The following KIAA1217 variants were observed in gnomAD, a reference collection of about 807,000 sequenced individuals.
KIAA1217 encodes the protein KIAA1217, also known as sickle tail protein homolog.
KIAA1217 carries 88 observed loss-of-function variants against 163.9 expected under a neutral mutation model. The ratio of observed to expected loss-of-function variants is 0.54; its 90% CI spans 0.45 to 0.64. The LOEUF is 0.64. KIAA1217 is among the 30% of genes least tolerant of loss of function. The probability of loss-of-function intolerance (pLI) is 0.00; values close to 1 mark genes in which losing one functional copy is unlikely to be tolerated. For synonymous variants in KIAA1217, 903 were observed against 923.1 expected (o/e 0.98, Z 0.39); for missense variants, 2,372 against 2,475.0 (o/e 0.96, Z 0.88).
chr10:24,504,238 C>T (rs7904115), intron 9 of KIAA1217, among the ~76,000 whole-genome samples: 45,895 of 152,124 alleles, frequency 0.3, 7,231 homozygotes, highest in Middle Eastern at 0.4. Flanking sequence ...TTCTTTATTG[C>T]TCCAGAACTA....
At chr10:24,379,128 A>T (rs1236508203) in intron 2 of KIAA1217, among the ~76,000 whole-genome samples, 1 of 41,310 alleles carries the variant, frequency 2.4e-5, no homozygotes, top group East Asian at 1.3e-3. Context: ...TACCTTCTTT[A>T]AAAAAAAATG....
At chr10:24,147,023 A>AAC (rs2064352296) in intron 2 of KIAA1217, among the ~76,000 whole-genome samples, 1 of 151,770 alleles carries the variant, frequency 6.6e-6, no homozygotes, top group African/African-American at 2.4e-5. Context: ...AAAAAAAAAA[A>AAC]AAAAAAAACA....
intron 1 of KIAA1217, among the ~76,000 whole-genome samples, chr10:23,993,049 T>TTTG (rs1328485183): frequency 2.0e-5 from 3 of 147,128 alleles, no homozygotes; most frequent in Non-Finnish European, 4.5e-5. Flanking sequence ...TTTTTTTTTT[T>TTTG]GAGATGGAGT....
chr10:24,207,891 C>T (rs865986478), upstream of KIAA1217, among the ~76,000 whole-genome samples: 10 of 152,198 alleles, frequency 6.6e-5, no homozygotes, highest in Admixed American at 1.3e-4. Context: ...GGAACATAGG[C>T]TGGCCATTGT....
chr10:23,872,157 G>A (rs1029789430), intron 1 of KIAA1217, among the ~76,000 whole-genome samples: 52 of 152,192 alleles, frequency 3.4e-4, no homozygotes, highest in Non-Finnish European at 6.6e-4. Context: ...GAGCAGCAGA[G>A]TGAGACTAGG....
chr10:24,205,189 G>A (rs953568912), upstream of KIAA1217, among the ~76,000 whole-genome samples: 5 of 151,192 alleles, frequency 3.3e-5, no homozygotes, highest in Non-Finnish European at 7.4e-5. Context: ...AGTGGCTCAC[G>A]CCTGTAATCC....
intron 2 of KIAA1217, among the ~76,000 whole-genome samples, chr10:24,099,427 A>T (rs1454197814): frequency 6.6e-6 from 1 of 151,308 alleles, no homozygotes; most frequent in Non-Finnish European, 1.5e-5. Flanking sequence ...GAGTGAGAAC[A>T]TGCAGTATTT....
chr10:23,937,670 A>G (rs572512342), intron 1 of KIAA1217, among the ~76,000 whole-genome samples: 15 of 152,234 alleles, frequency 9.9e-5, no homozygotes, highest in Non-Finnish European at 1.5e-4. Flanking sequence ...TGGCACCTTA[A>G]CTTAATTTGG....
At position 24,524,724 on chromosome 10, in the gene KIAA1217, T is replaced by C; in HGVS notation, c.2858T>C (p.Ile953Thr). ...SAMQSLFIEE[I>T]HSVSAKNRAV... ...ATGCAGAGCTTGTTCATTGAAGAAA[T>C]CCACAGTGTGAGTGCCAAGAACAGG... Residue 953 changes from isoleucine (I) to threonine (T), a missense_variant, in exon 13 of 21, where the codon ATC (isoleucine) becomes ACC (threonine). Physicochemically the swap from Ile to Thr is moderately conservative, Grantham distance 89. Transcript: ENST00000376454. 6.2e-7 allele frequency: 1 copy of C among 1,609,910 alleles called. No individual in the cohort carries two copies.
At chr10:24,363,717 G>A (rs1210180022) in intron 2 of KIAA1217, among the ~76,000 whole-genome samples, 2 of 151,774 alleles carry the variant, frequency 1.3e-5, no homozygotes, top group South Asian at 2.1e-4. Flanking sequence ...GACTTCAGGC[G>A]TGTGCCACTA....
At chr10:23,934,033 C>A (rs1428201171) in intron 1 of KIAA1217, among the ~76,000 whole-genome samples, 2 of 152,142 alleles carry the variant, frequency 1.3e-5, no homozygotes, top group East Asian at 1.9e-4. Flanking sequence ...CAATCCCATT[C>A]CTGGATATGC....
chr10:24,423,438 C>T (rs1440017124), intron 3 of KIAA1217, among the ~76,000 whole-genome samples: 1 of 151,970 alleles, frequency 6.6e-6, no homozygotes, highest in Non-Finnish European at 1.5e-5. Flanking sequence ...GCGCACACCA[C>T]CACGCCCAGA....
At position 24,329,618 on chromosome 10, in the gene KIAA1217, G is replaced by A. The variant is rs182682986; in HGVS notation, c.355-51251G>A. Among the ~76,000 whole-genome samples, 66 of 152,156 alleles carry A rather than the reference G, an allele frequency of 4.3e-4. No homozygotes were observed. The East Asian group carries it at 8.9e-3, about 20-fold the overall frequency. The stretch of plus-strand genomic sequence containing the variant: ...TAAATCAGAAGTTATTTAACTACTC[G>A]GAACCTAGATGTTCCTATGTGTTAG... On this transcript the variant is annotated intron_variant, in intron 2 of 20. Coordinates refer to ENST00000376454, the MANE Select transcript of KIAA1217 (RefSeq NM_019590.5).
At chr10:23,908,811 G>GA (rs1261761716) in intron 1 of KIAA1217, among the ~76,000 whole-genome samples, 2 of 152,158 alleles carry the variant, frequency 1.3e-5, no homozygotes, top group African/African-American at 4.8e-5. Flanking sequence ...AACCACTATG[G>GA]AAAACAGTGT....
At chr10:23,851,860 G>A (rs1345824652) in intron 1 of KIAA1217, among the ~76,000 whole-genome samples, 1 of 145,520 alleles carries the variant, frequency 6.9e-6, no homozygotes, top group African/African-American at 2.7e-5. Flanking sequence ...TGATGGGGTT[G>A]TTTGTTTTTT....
intron 4 of KIAA1217, among the ~76,000 whole-genome samples, chr10:24,437,080 A>G (rs1200311996): frequency 6.6e-6 from 1 of 152,156 alleles, no homozygotes; most frequent in Non-Finnish European, 1.5e-5. Flanking sequence ...AACCAACCTC[A>G]TGCATTTTAA....
At chr10:24,233,768 G>A (rs927646843) in intron 2 of KIAA1217, among the ~76,000 whole-genome samples, 21 of 152,070 alleles carry the variant, frequency 1.4e-4, no homozygotes, top group African/African-American at 5.1e-4. Context: ...ACATACATAC[G>A]CACACATATA....
chr10:24,438,173 A>C (rs557532698), intron 4 of KIAA1217, among the ~76,000 whole-genome samples: 1 of 152,304 alleles, frequency 6.6e-6, no homozygotes, highest in African/African-American at 2.4e-5. Flanking sequence ...TTGGGGAACA[A>C]GAAAAGGAGA....
At chr10:24,131,020 T>C (rs1462644518) in intron 2 of KIAA1217, among the ~76,000 whole-genome samples, 1 of 152,206 alleles carries the variant, frequency 6.6e-6, no homozygotes, top group East Asian at 1.9e-4. Flanking sequence ...TAAAAATACA[T>C]ATCTTTAGAT....
Sources: gnomAD v4.1 joint callset for allele counts (sites outside exome capture counted in the v4.1 genomes callset) on GRCh38, gnomAD v4.1.1 for gene constraint, MANE v1.5 for transcripts, NCBI Gene and HGNC (gene_info 2026-07-23, HGNC 2026-07-21) for gene names.